The following GPR26 variants were observed in gnomAD, a reference collection of about 807,000 sequenced individuals.
GPR26 encodes the protein G protein-coupled receptor 26.
Under a neutral mutation model 23.1 loss-of-function variants are expected in GPR26, and 15 were observed. The ratio of observed to expected loss-of-function variants is 0.65; its 90% CI spans 0.43 to 1.00. The LOEUF (loss-of-function observed/expected upper bound fraction) is 1.00. Ranked by LOEUF, GPR26 falls within the 50% of genes least tolerant of loss-of-function variation. GPR26 has a pLI of 0.00. For synonymous variants in GPR26, 228 were observed against 222.1 expected (o/e 1.03, Z -0.24); for missense variants, 359 against 470.5 (o/e 0.76, Z 2.19).
In GPR26 at chr10:123,690,304, C is replaced by G. The variant is rs1384937958; in HGVS notation, c.*2144C>G. ...GAGTAGCTCCCTTCTCACACAAACG[C>G]TTTCAAAGTTGGGCAAAAGTGGCCC... On this transcript the variant is annotated 3_prime_UTR_variant, in exon 3 of 3. Transcript: ENST00000284674. 1 of 152,192 alleles carries G rather than the reference C, an allele frequency of 6.6e-6. No homozygotes were observed. Among genetic ancestry groups the G allele is most frequent in the Non-Finnish European group, 1.5e-5 (1 of 68,042 alleles). The allele number at this position is 152,192 out of a possible 1,614,324, so 9.4% of individuals were successfully genotyped here. A position where few individuals can be genotyped will look rare whatever the true frequency, so the allele number is the denominator to read the frequency against.
At position 123,675,197 on chromosome 10, in the gene GPR26, C is replaced by A. The variant is rs186037476; in HGVS notation, c.782+266C>A. ...TAAATCACATAATTACACCCTTTAT[C>A]CCAGGCTCCCAACCCCCAGGAGGCC... On this transcript the variant is annotated intron_variant, in intron 2 of 2. Coordinates refer to ENST00000284674, the MANE Select transcript of GPR26 (RefSeq NM_153442.4). Among the ~76,000 whole-genome samples, 25 of 152,268 alleles carry A rather than the reference C, an allele frequency of 1.6e-4. No individual in the cohort carries two copies. In the East Asian group the frequency reaches 4.4e-3, roughly 27 times the overall value.
At chr10:123,685,068 G>A (rs1845416900) in intron 2 of GPR26, among the ~76,000 whole-genome samples, 1 of 152,184 alleles carries the variant, frequency 6.6e-6, no homozygotes, top group Non-Finnish European at 1.5e-5. Context: ...GACTGTGGAG[G>A]GGGAAAGGCA....
chr10:123,670,595 T>C (rs1845238830), intron 1 of GPR26, among the ~76,000 whole-genome samples: 1 of 152,250 alleles, frequency 6.6e-6, no homozygotes, highest in South Asian at 2.1e-4. Context: ...CAACCTCATA[T>C]GTGCTGGGAG....
intron 1 of GPR26, among the ~76,000 whole-genome samples, chr10:123,668,698 G>A (rs549479706): frequency 1.3e-5 from 2 of 152,348 alleles, no homozygotes; most frequent in East Asian, 3.9e-4. Context: ...CTTAGAGGGT[G>A]CATCCTTAGC....
At chr10:123,687,215 A>G (rs1457100362) in intron 2 of GPR26, among the ~76,000 whole-genome samples, 10 of 152,082 alleles carry the variant, frequency 6.6e-5, no homozygotes, top group Admixed American at 4.6e-4. Flanking sequence ...CAGGATCCGA[A>G]CCCAGGGAAG....
At chr10:123,682,858 C>T (rs1183962500) in intron 2 of GPR26, among the ~76,000 whole-genome samples, 4 of 152,210 alleles carry the variant, frequency 2.6e-5, no homozygotes, top group African/African-American at 4.8e-5. Flanking sequence ...AGCATCAGCT[C>T]ATTACTTCAA....
At position 123,695,472 on chromosome 10, in the gene GPR26, A is replaced by G. The variant is rs535429290; in HGVS notation, c.*7312A>G. On this transcript the variant is annotated 3_prime_UTR_variant, in exon 3 of 3. Coordinates refer to ENST00000284674, the MANE Select transcript of GPR26 (RefSeq NM_153442.4). Reference sequence around the variant, plus strand: ...ATTTGGAGAGAGGAAGTCTACTCTTAACTGTGAGAGTTAAGAGTATCACCA... The same window carrying G: ...ATTTGGAGAGAGGAAGTCTACTCTTGACTGTGAGAGTTAAGAGTATCACCA... Among the ~76,000 whole-genome samples, 2 of 152,300 alleles carry G rather than the reference A, an allele frequency of 1.3e-5. No homozygotes were observed. Among genetic ancestry groups the G allele is most frequent in the Non-Finnish European group, 2.9e-5 (2 of 68,024 alleles).
In GPR26 at chr10:123,692,304, T is replaced by C. The variant is rs1347589356; in HGVS notation, c.*4144T>C. 2 of 152,250 alleles carry C rather than the reference T, an allele frequency of 1.3e-5. No individual in the cohort carries two copies. The highest frequency in any genetic ancestry group is 4.8e-5 in the African/African-American group (2 of 41,454). The allele number at this position is 152,250 out of a possible 1,614,324, so 9.4% of individuals were successfully genotyped here. ...AGCCTGGCTGTGGGAGGTGATGACA[T>C]CTGCCACCTCTGCCACTACCCAGAG... On this transcript the variant is annotated 3_prime_UTR_variant, in exon 3 of 3. Coordinates refer to ENST00000284674, the MANE Select transcript of GPR26 (RefSeq NM_153442.4).
At chr10:123,669,799 A>T (rs553070013) in intron 1 of GPR26, among the ~76,000 whole-genome samples, 2 of 152,212 alleles carry the variant, frequency 1.3e-5, no homozygotes, top group South Asian at 4.2e-4. Flanking sequence ...TCTTAATTCA[A>T]TCTGGGACCC....
chr10:123,687,352 C>A (rs1845439838), intron 2 of GPR26, among the ~76,000 whole-genome samples: 1 of 152,212 alleles, frequency 6.6e-6, no homozygotes, highest in Non-Finnish European at 1.5e-5. Context: ...GGATCGGAAG[C>A]AAACAATGGG....
At chr10:123,669,991 C>T (rs1270553134) in intron 1 of GPR26, among the ~76,000 whole-genome samples, 1 of 152,178 alleles carries the variant, frequency 6.6e-6, no homozygotes, top group Non-Finnish European at 1.5e-5. Context: ...CCCTGGTGCT[C>T]CCAGGCATGG....
At chr10:123,676,780 A>G (rs1452858602) in intron 2 of GPR26, among the ~76,000 whole-genome samples, 2 of 152,094 alleles carry the variant, frequency 1.3e-5, no homozygotes, top group Non-Finnish European at 2.9e-5. Flanking sequence ...CAGCTCCCCC[A>G]CATCCTGCTG....
At chr10:123,681,557 CA>C (rs1368506415) in intron 2 of GPR26, among the ~76,000 whole-genome samples, 2 of 152,142 alleles carry the variant, frequency 1.3e-5, no homozygotes, top group African/African-American at 4.8e-5. Context: ...AGGTTGACGT[CA>C]GATGGCAGCT....
intron 2 of GPR26, among the ~76,000 whole-genome samples, chr10:123,686,406 G>C (rs1845430420): frequency 6.6e-6 from 1 of 152,062 alleles, no homozygotes; most frequent in Non-Finnish European, 1.5e-5. Flanking sequence ...CCCCATTCAG[G>C]CTCCCAAGCA....
At chr10:123,670,104 T>G (rs1278253238) in intron 1 of GPR26, among the ~76,000 whole-genome samples, 2 of 152,096 alleles carry the variant, frequency 1.3e-5, no homozygotes, top group Non-Finnish European at 2.9e-5. Flanking sequence ...GATGATGAGG[T>G]CTCAAAGGGA....
chr10:123,678,456 G>T (rs989811090), intron 2 of GPR26, among the ~76,000 whole-genome samples: 1 of 152,238 alleles, frequency 6.6e-6, no homozygotes, highest in Non-Finnish European at 1.5e-5. Context: ...TGTTTCCTGA[G>T]CAGTCAAATC....
chr10:123,668,225 C>G (rs1456953085), intron 1 of GPR26, among the ~76,000 whole-genome samples: 1 of 152,180 alleles, frequency 6.6e-6, no homozygotes, highest in African/African-American at 2.4e-5. Flanking sequence ...CTGGAGGTGT[C>G]AGGCTGAGCA....
rs1473890697 is a variant in GPR26 at position 123,694,480 on chromosome 10, G to A, written c.*6320G>A. 6.6e-6 allele frequency: 1 copy of A among 151,906 alleles called. No homozygotes were observed. Among genetic ancestry groups the A allele is most frequent in the Admixed American group, 6.6e-5 (1 of 15,252 alleles). 9.4% of individuals were successfully genotyped at this position (151,906 alleles called of 1,614,324 possible). ...AATTAGGTCTCTTTTAGAAAGAGAG[G>A]ACATGGAGAAAATCCATATATTTTT... On this transcript the variant is annotated 3_prime_UTR_variant, in exon 3 of 3. Coordinates refer to ENST00000284674, the MANE Select transcript of GPR26 (RefSeq NM_153442.4).
chr10:123,680,371 C>A (rs1475185164), intron 2 of GPR26, among the ~76,000 whole-genome samples: 2 of 152,196 alleles, frequency 1.3e-5, no homozygotes, highest in Non-Finnish European at 2.9e-5. Context: ...CCCTACAGCA[C>A]CCCCAAGAGA....
Sources: allele counts gnomAD v4.1 joint callset (sites outside exome capture counted in the v4.1 genomes callset), GRCh38; gene constraint gnomAD v4.1.1; transcripts MANE v1.5; gene names NCBI Gene and HGNC (gene_info 2026-07-23, HGNC 2026-07-21).